The following YWHAE variants were observed in gnomAD, a reference collection of about 807,000 sequenced individuals.
The protein encoded by YWHAE is 14-3-3 protein epsilon.
YWHAE carries 4 observed loss-of-function variants against 30.1 expected under a neutral mutation model. That is an observed-to-expected ratio of 0.13 (90% CI 0.07 to 0.30). The LOEUF is 0.30. Ranked by LOEUF, YWHAE falls within the 10% of genes least tolerant of loss-of-function variation. YWHAE has a pLI of 1.00. For missense variants in YWHAE, 121 were observed against 315.9 expected, an observed-to-expected ratio of 0.38 and a Z score of 4.68; for synonymous variants, 118 against 111.8, an observed-to-expected ratio of 1.06 and a Z score of -0.35.
chr17:1,360,676 G>C (rs1297167936), intron 4 of YWHAE, among the ~76,000 whole-genome samples: 1 of 152,128 alleles, frequency 6.6e-6, no homozygotes, highest in African/African-American at 2.4e-5. Flanking sequence ...TGAGACAGGA[G>C]AATCACTTGA....
intron 1 of YWHAE, among the ~76,000 whole-genome samples, chr17:1,370,311 T>TA (rs2073015535): frequency 6.6e-6 from 1 of 151,382 alleles, no homozygotes; most frequent in Non-Finnish European, 1.5e-5. Context: ...GTGTGTATTT[T>TA]TAGTAGAGGC....
At chr17:1,379,887 G>A (rs1450589167) in intron 1 of YWHAE, among the ~76,000 whole-genome samples, 1 of 152,194 alleles carries the variant, frequency 6.6e-6, no homozygotes, top group Non-Finnish European at 1.5e-5. Flanking sequence ...TACGGTGAAA[G>A]AACCAGAATG....
chr17:1,376,369 AC>A (rs2073123489), intron 1 of YWHAE, among the ~76,000 whole-genome samples: 1 of 150,904 alleles, frequency 6.6e-6, no homozygotes, highest in African/African-American at 2.4e-5. Context: ...AGACAGACAG[AC>A]AGACAGAAAG....
intron 4 of YWHAE, among the ~76,000 whole-genome samples, chr17:1,355,116 T>TAAAA (rs869230957): frequency 6.4e-4 from 11 of 17,180 alleles, no homozygotes; most frequent in South Asian, 3.1e-3. Flanking sequence ...CAAGATTTTT[T>TAAAA]AAAAAAAAAA....
At chr17:1,387,954 C>T (rs1033921448) in intron 1 of YWHAE, among the ~76,000 whole-genome samples, 1 of 110,490 alleles carries the variant, frequency 9.1e-6, no homozygotes, top group South Asian at 3.2e-4. Flanking sequence ...TTGACGGAGT[C>T]TCACTCTGTC....
chr17:1,364,625 T>C, intron 2 of YWHAE: 1 of 557,750 alleles, frequency 1.8e-6, no homozygotes, highest in Non-Finnish European at 3.1e-6. Context: ...CCAGTGGATG[T>C]GATGAAACCA....
chr17:1,345,536 G>T, intron 5 of YWHAE, 37 bp from the exon 6 acceptor site: 2 of 1,602,294 alleles, frequency 1.2e-6, no homozygotes, highest in South Asian at 2.2e-5. Flanking sequence ...ATTTCGTATT[G>T]ACTACATTAG....
intron 5 of YWHAE, among the ~76,000 whole-genome samples, chr17:1,349,533 A>C (rs116614098): frequency 2.6e-5 from 4 of 152,224 alleles, no homozygotes; most frequent in Admixed American, 6.5e-5. Context: ...AATAAAAATT[A>C]AGTGAAAATT....
chr17:1,351,216 T>C (rs1469570235), intron 5 of YWHAE, among the ~76,000 whole-genome samples: 1 of 151,370 alleles, frequency 6.6e-6, no homozygotes, highest in Non-Finnish European at 1.5e-5. Flanking sequence ...AAAAATTAGC[T>C]AGGAGTGGTG....
Position 1,345,288 on chromosome 17 carries a change from TTAA to T in YWHAE, c.*156_*158del. The T allele has an allele frequency of 1.7e-6, 1 of 597,950 alleles. No homozygotes were observed. Among genetic ancestry groups the T allele is most frequent in the Non-Finnish European group, 2.8e-6 (1 of 362,578 alleles). 37.0% of individuals were successfully genotyped at this position (597,950 alleles called of 1,614,324 possible). A position where few individuals can be genotyped will look rare whatever the true frequency, so the allele number is the denominator to read the frequency against. On this transcript the variant is annotated 3_prime_UTR_variant, in exon 6 of 6. Coordinates refer to ENST00000264335, the MANE Select transcript of YWHAE (RefSeq NM_006761.5). Reference sequence around the variant, plus strand: ...GCCTTTAAGAACTTTTGAAAACTGTTTAAAAAAAAAAAAAAAAAACCAACAGGG... The same window carrying T: ...GCCTTTAAGAACTTTTGAAAACTGTTAAAAAAAAAAAAAAAACCAACAGGG...
intron 2 of YWHAE, among the ~76,000 whole-genome samples, chr17:1,364,228 GC>G (rs2072908045): frequency 3.4e-5 from 3 of 89,058 alleles, no homozygotes; most frequent in South Asian, 6.7e-4. Flanking sequence ...GTTTTTGGGT[GC>G]TTTTTTTTTT....
At chr17:1,368,270 C>A (rs1211714661) in intron 1 of YWHAE, among the ~76,000 whole-genome samples, 1 of 151,738 alleles carries the variant, frequency 6.6e-6, no homozygotes, top group Non-Finnish European at 1.5e-5. Flanking sequence ...CCCAGCTACT[C>A]GAGGCTGAGG....
chr17:1,387,987 A>G (rs2073326368), intron 1 of YWHAE, among the ~76,000 whole-genome samples: 1 of 129,312 alleles, frequency 7.7e-6, no homozygotes, highest in Non-Finnish European at 1.6e-5. Flanking sequence ...GCCCAGGGGC[A>G]CTATCTCGGC....
At chr17:1,392,319 G>C (rs1434603110) in intron 1 of YWHAE, among the ~76,000 whole-genome samples, 1 of 152,188 alleles carries the variant, frequency 6.6e-6, no homozygotes, top group Non-Finnish European at 1.5e-5. Flanking sequence ...AGGATGCAGT[G>C]AATCGTTACT....
chr17:1,364,544 A>G (rs990736917), intron 2 of YWHAE, among the ~76,000 whole-genome samples: 1 of 151,996 alleles, frequency 6.6e-6, no homozygotes, highest in Non-Finnish European at 1.5e-5. Context: ...ATATTTTTTT[A>G]AAAAACAGTC....
chr17:1,396,962 C>T (rs544138203), intron 1 of YWHAE, among the ~76,000 whole-genome samples: 2 of 149,488 alleles, frequency 1.3e-5, no homozygotes, highest in East Asian at 3.9e-4. Context: ...CGCTCTGTTG[C>T]CCAGGCTGTA....
intron 1 of YWHAE, among the ~76,000 whole-genome samples, chr17:1,372,766 C>G (rs1472750662): frequency 1.3e-5 from 2 of 151,964 alleles, no homozygotes; most frequent in African/African-American, 4.8e-5. Context: ...CCAGCCTGGG[C>G]AACAGGTGAG....
chr17:1,372,436 C>T (rs1265395594), intron 1 of YWHAE, among the ~76,000 whole-genome samples: 1 of 152,224 alleles, frequency 6.6e-6, no homozygotes, highest in Non-Finnish European at 1.5e-5. Flanking sequence ...TTTTCCTTTG[C>T]ATTCACAACT....
chr17:1,372,723 G>A (rs1022994649), intron 1 of YWHAE, among the ~76,000 whole-genome samples: 3 of 151,828 alleles, frequency 2.0e-5, no homozygotes, highest in African/African-American at 7.3e-5. Context: ...GAGGCCGAAG[G>A]CAGGAAGATC....
Sources: allele counts gnomAD v4.1 joint callset (sites outside exome capture counted in the v4.1 genomes callset), GRCh38; gene constraint gnomAD v4.1.1; transcripts MANE v1.5; gene names NCBI Gene and HGNC (gene_info 2026-07-23, HGNC 2026-07-21).